The following XYLT1 variants were observed in gnomAD, a reference collection of about 807,000 sequenced individuals.
XYLT1 encodes beta-D-xylosyltransferase 1.
Under a neutral mutation model 91.3 loss-of-function variants are expected in XYLT1, and 36 were observed. That is an observed-to-expected ratio of 0.39 (90% CI 0.30 to 0.52). XYLT1 has a LOEUF of 0.52. Ranked by LOEUF, XYLT1 falls within the 20% of genes least tolerant of loss-of-function variation. The probability of loss-of-function intolerance (pLI) is 0.68; values close to 1 mark genes in which losing one functional copy is unlikely to be tolerated. For synonymous variants in XYLT1, 588 were observed against 532.0 expected, an observed-to-expected ratio of 1.11 and a Z score of -1.45; for missense variants, 1,242 against 1,284.5, an observed-to-expected ratio of 0.97 and a Z score of 0.51.
At chr16:17,324,863 C>CT (rs2034775489) in intron 2 of XYLT1, among the ~76,000 whole-genome samples, 1 of 151,608 alleles carries the variant, frequency 6.6e-6, no homozygotes, top group Non-Finnish European at 1.5e-5. Flanking sequence ...TCTTTCTTCT[C>CT]TTTTTTTCAA....
chr16:17,262,195 C>T (rs889584139), intron 2 of XYLT1, among the ~76,000 whole-genome samples: 1 of 152,186 alleles, frequency 6.6e-6, no homozygotes, highest in Admixed American at 6.5e-5. Context: ...TGTTGTGATA[C>T]ATTCTTCACT....
At chr16:17,321,342 CT>C (rs10606202) in intron 2 of XYLT1, among the ~76,000 whole-genome samples, 6 of 43,624 alleles carry the variant, frequency 1.4e-4, no homozygotes, top group Admixed American at 3.9e-4. Flanking sequence ...ACTAACTAGC[CT>C]TTTTTTTTTT....
chr16:17,158,581 G>A (rs1024678861), intron 6 of XYLT1, among the ~76,000 whole-genome samples: 2 of 152,202 alleles, frequency 1.3e-5, no homozygotes, highest in Admixed American at 1.3e-4. Context: ...TTGGACTTGT[G>A]GAAGTCCTTG....
intron 4 of XYLT1, among the ~76,000 whole-genome samples, chr16:17,199,906 T>G (rs957295465): frequency 6.6e-6 from 1 of 152,002 alleles, no homozygotes; most frequent in Non-Finnish European, 1.5e-5. Context: ...CAGAGGGCAT[T>G]GGGTAGAGGG....
chr16:17,376,887 C>T (rs2035609430), intron 1 of XYLT1, among the ~76,000 whole-genome samples: 4 of 148,992 alleles, frequency 2.7e-5, no homozygotes, highest in Admixed American at 6.7e-5. Context: ...AAGAAATGCA[C>T]CCAACCAGGC....
rs1036168255 is a variant in XYLT1, at chr16:17,108,474, C to A, written c.*221G>T. On this transcript the variant is annotated 3_prime_UTR_variant, in exon 12 of 12. Transcript: ENST00000261381. ...TCAACCAGAAGAGGTGAGACAGTCA[C>A]AGTGCAGGGACTGAGCCATCCCACC... 1.1e-5 allele frequency: 5 copies of A among 452,518 alleles called. No homozygotes were observed. The highest frequency in any genetic ancestry group is 9.9e-5 in the African/African-American group (5 of 50,326). 28.0% of individuals were successfully genotyped at this position (452,518 alleles called of 1,614,324 possible). A position where few individuals can be genotyped will look rare whatever the true frequency, so the allele number is the denominator to read the frequency against.
chr16:17,169,642 T>C (rs1426540544), intron 5 of XYLT1, among the ~76,000 whole-genome samples: 1 of 118,938 alleles, frequency 8.4e-6, no homozygotes, highest in African/African-American at 3.3e-5. Context: ...TGAACTAAAC[T>C]GACATTCTGC....
intron 2 of XYLT1, chr16:17,338,099 G>A (rs1188937565): frequency 4.6e-6 from 2 of 434,926 alleles, no homozygotes; most frequent in East Asian, 7.0e-5. Flanking sequence ...CCTCAAATCT[G>A]TCCCCTCCTT....
intron 5 of XYLT1, among the ~76,000 whole-genome samples, chr16:17,165,459 G>T (rs1266300055): frequency 1.3e-5 from 2 of 152,050 alleles, no homozygotes; most frequent in African/African-American, 4.8e-5. Context: ...GGCCAAGGCA[G>T]GCGGATCATG....
intron 2 of XYLT1, among the ~76,000 whole-genome samples, chr16:17,293,423 T>G (rs1303323691): frequency 1.3e-5 from 2 of 151,668 alleles, no homozygotes; most frequent in Non-Finnish European, 2.9e-5. Context: ...ACTTTGGAGG[T>G]GTAAAGCTAT....
chr16:17,317,354 G>A (rs2034650938), intron 2 of XYLT1, among the ~76,000 whole-genome samples: 1 of 151,910 alleles, frequency 6.6e-6, no homozygotes, highest in Non-Finnish European at 1.5e-5. Context: ...GGCATCAGAT[G>A]AGGCACAGTG....
intron 8 of XYLT1, among the ~76,000 whole-genome samples, chr16:17,137,794 G>GAA (rs2030797620): frequency 6.6e-6 from 1 of 151,854 alleles, no homozygotes; most frequent in Admixed American, 6.6e-5. Flanking sequence ...CTGCTCCTCA[G>GAA]AAAAGTGCAA....
At chr16:17,130,103 A>C (rs2030413899) in intron 9 of XYLT1, among the ~76,000 whole-genome samples, 1 of 152,230 alleles carries the variant, frequency 6.6e-6, no homozygotes, top group African/African-American at 2.4e-5. Flanking sequence ...TTGAAACAGC[A>C]GAGCTACGCC....
chr16:17,337,432 G>C (rs949143284), intron 2 of XYLT1, among the ~76,000 whole-genome samples: 1 of 152,156 alleles, frequency 6.6e-6, no homozygotes, highest in Admixed American at 6.5e-5. Context: ...CGATTGGCCA[G>C]CCTCAGCCTC....
chr16:17,144,567 G>A (rs889651783), intron 6 of XYLT1, among the ~76,000 whole-genome samples: 1 of 152,132 alleles, frequency 6.6e-6, no homozygotes, highest in African/African-American at 2.4e-5. Context: ...AGAGAAAAAT[G>A]GACATTCTAG....
intron 2 of XYLT1, among the ~76,000 whole-genome samples, chr16:17,314,255 C>T (rs1003840952): frequency 4.6e-5 from 7 of 152,154 alleles, no homozygotes; most frequent in African/African-American, 1.7e-4. Context: ...ACTGGCTCCC[C>T]AGCAGGGAAC....
intron 8 of XYLT1, among the ~76,000 whole-genome samples, chr16:17,138,047 T>TGAAGAGTATGTGATATGAA (rs59876842): frequency 6.6e-6 from 1 of 151,760 alleles, no homozygotes; most frequent in African/African-American, 2.4e-5. Context: ...GAAGATGATA[T>TGAAGAGTATGTGATATGAA]GAGTATGGCC....
chr16:17,226,293 G>A (rs536423172), intron 3 of XYLT1, among the ~76,000 whole-genome samples: 1 of 152,278 alleles, frequency 6.6e-6, no homozygotes, highest in South Asian at 2.1e-4. Flanking sequence ...GCCACATACC[G>A]TAGGGACATT....
intron 1 of XYLT1, among the ~76,000 whole-genome samples, chr16:17,379,763 T>TCTTTCTCACACACACACACACACA (rs373354877): frequency 1.4e-4 from 18 of 125,620 alleles, no homozygotes; most frequent in African/African-American, 5.7e-4. Context: ...TCTCTCTCTC[T>TCTTTCTCACACACACACACACACA]CACACACACA....
Sources: allele counts gnomAD v4.1 joint callset (sites outside exome capture counted in the v4.1 genomes callset), GRCh38; gene constraint gnomAD v4.1.1; transcripts MANE v1.5; gene names NCBI Gene and HGNC (gene_info 2026-07-23, HGNC 2026-07-21).